Variants in INPP5B observed in about 807,000 individuals in gnomAD.
INPP5B encodes the protein type II inositol 1,4,5-trisphosphate 5-phosphatase.
A neutral mutation model predicts 118.5 loss-of-function variants in INPP5B; 90 were observed. That is an observed-to-expected ratio of 0.76 (90% CI 0.64 to 0.90). The LOEUF (loss-of-function observed/expected upper bound fraction) is 0.90. Among genes scored for constraint, INPP5B ranks in the 40% least tolerant of loss-of-function variants. The pLI is 0.00. For synonymous variants in INPP5B, 385 were observed against 418.9 expected, an observed-to-expected ratio of 0.92 and a Z score of 0.99; for missense variants, 984 against 1,125.6, an observed-to-expected ratio of 0.87 and a Z score of 1.80.
intron 7 of INPP5B, 67 bp downstream of exon 7, chr1:37,931,846 A>G (rs1314639138): frequency 4.3e-6 from 7 of 1,609,844 alleles, no homozygotes; most frequent in Admixed American, 1.7e-5. Flanking sequence ...CCAAAACAGA[A>G]CGGAGCCCGC....
intron 11 of INPP5B, 85 bp from the exon 12 acceptor site, chr1:37,887,089 G>T: frequency 9.2e-7 from 1 of 1,088,722 alleles, no homozygotes. Flanking sequence ...AGCTGGCTGA[G>T]AGTATTCACG....
At chr1:37,896,527 C>T (rs1370108141) in intron 7 of INPP5B, among the ~76,000 whole-genome samples, 1 of 146,716 alleles carries the variant, frequency 6.8e-6, no homozygotes, top group Non-Finnish European at 1.5e-5. Context: ...AGGGGCGCCT[C>T]TGCCCGGCCG....
chr1:37,901,646 A>G (rs1255725841), intron 7 of INPP5B, among the ~76,000 whole-genome samples: 2 of 152,174 alleles, frequency 1.3e-5, no homozygotes, highest in African/African-American at 2.4e-5. Flanking sequence ...CAGTCCAGCA[A>G]GGACCAGAAC....
intron 18 of INPP5B, 75 bp downstream of exon 18, chr1:37,873,918 T>C: frequency 8.2e-7 from 1 of 1,222,292 alleles, no homozygotes; most frequent in Non-Finnish European, 1.1e-6. Flanking sequence ...AAAAGCTCAT[T>C]TTAGGAAAAT....
intron 8 of INPP5B, 63 bp downstream of exon 8, chr1:37,891,295 G>C (rs1365301424): frequency 2.6e-6 from 3 of 1,164,448 alleles, no homozygotes; most frequent in Non-Finnish European, 2.6e-6. Context: ...ACCCAAAATG[G>C]TCTCAGTACT....
Position 37,889,629 on chromosome 1 carries a change from C to G in INPP5B, c.725G>C (p.Gly242Ala). Residue 242 changes from glycine (G) to alanine (A), a missense_variant, in exon 9 of 24, where the codon GGA becomes GCA. Coordinates refer to ENST00000373024, the MANE Select transcript of INPP5B (RefSeq NM_005540.3). ...TGATTTCACAATTGTATCTCGCAGT[C>G]CAAACTTCTGCATGGATAAAATATG... ...KAHILSMQKF[G>A]LRDTIVKSHL... 6.2e-7 allele frequency: 1 copy of G among 1,613,822 alleles called. No individual in the cohort carries two copies. Among genetic ancestry groups the G allele is most frequent in the Admixed American group, 1.7e-5 (1 of 60,006 alleles).
chr1:37,930,794 G>GT (rs1645426952), intron 7 of INPP5B: 1 of 152,282 alleles, frequency 6.6e-6, no homozygotes. Flanking sequence ...TCCAAGCCTT[G>GT]TAAGAGCAAG....
intron 14 of INPP5B, among the ~76,000 whole-genome samples, chr1:37,881,774 CT>C (rs1643212649): frequency 6.6e-6 from 1 of 152,040 alleles, no homozygotes; most frequent in African/African-American, 2.4e-5. Flanking sequence ...AGTTGAGAAT[CT>C]TTTTCTTTAA....
intron 7 of INPP5B, among the ~76,000 whole-genome samples, chr1:37,893,830 A>G (rs1643919185): frequency 6.6e-6 from 1 of 152,214 alleles, no homozygotes; most frequent in Admixed American, 6.5e-5. Context: ...TGCTCTAAGC[A>G]TATTAAGGTT....
intron 7 of INPP5B, chr1:37,931,298 C>G: frequency 1.7e-6 from 1 of 599,346 alleles, no homozygotes; most frequent in South Asian, 1.9e-5. Context: ...AGGCAGGGCA[C>G]CACTCCCCCA....
In INPP5B at chr1:37,887,155, G is replaced by A. The variant is rs576024810; in HGVS notation, c.1015-151C>T. The A allele has an allele frequency of 1.7e-5, 13 of 757,198 alleles. No individual in the cohort carries two copies. The South Asian group carries it at 2.2e-4, about 13-fold the overall frequency. The allele number at this position is 757,198 out of a possible 1,614,324, so 46.9% of individuals were successfully genotyped here. Reference sequence around the variant, plus strand: ...ATCATCTGTTCAATTCACCAAGCATGCTATGTGCTAACCTACGAGTGGCGA... The same window carrying A: ...ATCATCTGTTCAATTCACCAAGCATACTATGTGCTAACCTACGAGTGGCGA... On this transcript the variant is annotated intron_variant, in intron 11 of 23. Coordinates refer to ENST00000373024, the MANE Select transcript of INPP5B (RefSeq NM_005540.3).
Position 37,864,528 on chromosome 1 carries a change from C to A in INPP5B, c.2515-105G>T, listed in dbSNP as rs1437497223. On this transcript the variant is annotated intron_variant, in intron 22 of 23. Coordinates refer to ENST00000373024, the MANE Select transcript of INPP5B (RefSeq NM_005540.3). ...ACACGATCCAAGTGCACGAGAAAGA[C>A]TGTGCACAGAAAACTGGTTGCTTAC... 3 of 636,616 alleles carry A rather than the reference C, an allele frequency of 4.7e-6. No homozygotes were observed. In the East Asian group the frequency reaches 8.8e-5, roughly 19 times the overall value. 39.4% of individuals were successfully genotyped at this position (636,616 alleles called of 1,614,324 possible). A position where few individuals can be genotyped will look rare whatever the true frequency, so the allele number is the denominator to read the frequency against.
chr1:37,891,167 C>T (rs1268400162), intron 8 of INPP5B, among the ~76,000 whole-genome samples, 191 bp downstream of exon 8: 1 of 148,144 alleles, frequency 6.8e-6, no homozygotes. Flanking sequence ...GTGGAGGTTG[C>T]GGTGAGCCGA....
intron 7 of INPP5B, chr1:37,931,560 G>T (rs1355621437): frequency 6.5e-7 from 1 of 1,537,654 alleles, no homozygotes; most frequent in Non-Finnish European, 8.7e-7. Flanking sequence ...CAGGACTTTG[G>T]TCTTCGCCCC....
At chr1:37,913,468 G>A (rs1570270081) in intron 7 of INPP5B, among the ~76,000 whole-genome samples, 2 of 152,142 alleles carry the variant, frequency 1.3e-5, no homozygotes, top group African/African-American at 4.8e-5. Context: ...TTTAATACCT[G>A]TTTTTCTCCT....
chr1:37,931,602 C>T, intron 7 of INPP5B: 1 of 1,538,192 alleles, frequency 6.5e-7, no homozygotes, highest in Non-Finnish European at 8.7e-7. Context: ...CCGACCCTGC[C>T]CACCCGAGGG....
intron 6 of INPP5B, among the ~76,000 whole-genome samples, chr1:37,938,039 G>A (rs1234724184): frequency 1.1e-4 from 17 of 150,264 alleles, no homozygotes; most frequent in Non-Finnish European, 1.9e-4. Flanking sequence ...TTGGGAGGCC[G>A]AGGTGGGTGG....
At chr1:37,909,339 G>A (rs4653336) in intron 7 of INPP5B, among the ~76,000 whole-genome samples, 33,353 of 151,798 alleles carry the variant, frequency 0.22, 4,528 homozygotes, top group Non-Finnish European at 0.3. Flanking sequence ...TTGCCAGGCC[G>A]AGCCAGCTCC....
At chr1:37,888,151 T>C in intron 10 of INPP5B, 92 bp downstream of exon 10, 2 of 741,290 alleles carry the variant, frequency 2.7e-6, no homozygotes, top group East Asian at 6.0e-5. Context: ...TCTGTTCATT[T>C]TTCAAATCCT....
Sources: allele counts gnomAD v4.1 joint callset (sites outside exome capture counted in the v4.1 genomes callset), GRCh38; gene constraint gnomAD v4.1.1; transcripts MANE v1.5; gene names NCBI Gene and HGNC (gene_info 2026-07-23, HGNC 2026-07-21).